NPAS2: variants seen among roughly 807,000 people sequenced by gnomAD.
The protein encoded by NPAS2 is neuronal PAS domain-containing protein 2.
NPAS2 carries 23 observed loss-of-function variants against 107.5 expected under a neutral mutation model. The ratio of observed to expected loss-of-function variants is 0.21; its 90% CI spans 0.15 to 0.30. The LOEUF is 0.30. Among genes scored for constraint, NPAS2 ranks in the 10% least tolerant of loss-of-function variants. The pLI is 1.00. For synonymous variants in NPAS2, 403 were observed against 417.5 expected (o/e 0.97, Z 0.42); for missense variants, 756 against 1,043.3 (o/e 0.72, Z 3.79).
chr2:100,992,957 TCTCA>T (rs371249781), intron 19 of NPAS2, among the ~76,000 whole-genome samples: 7 of 151,454 alleles, frequency 4.6e-5, no homozygotes, highest in African/African-American at 1.7e-4. Flanking sequence ...TGAGACGGAG[TCTCA>T]CTCTGTCGCC....
rs750870426 is a variant in NPAS2, at chr2:100,995,577, C to T, written c.2470C>T (p.Arg824Ter). ...GTCGTCAGGCCTCCAGCAGCCGCCC[C>T]GATAATGCCCCGGCACTGAAGTCGG... ...SESSGLQQPPR is the reference protein window; with the variant it reads ...SESSGLQQPP The change falls in exon 21 of 21, where the codon CGA (arginine) becomes TGA (stop). Residue 824 changes from arginine to a stop codon, truncating the protein, a stop_gained. Transcript: ENST00000335681. LOFTEE classifies it high-confidence loss of function. 9.4e-6 allele frequency: 15 copies of T among 1,604,122 alleles called. No homozygotes were observed. The highest frequency in any genetic ancestry group is 1.2e-5 in the Non-Finnish European group (14 of 1,174,934).
chr2:100,966,440 G>A (rs983581153), intron 10 of NPAS2, among the ~76,000 whole-genome samples: 5 of 152,034 alleles, frequency 3.3e-5, no homozygotes, highest in Admixed American at 2.0e-4. Flanking sequence ...CTTAGCAAGT[G>A]GTTTCAAGAA....
chr2:100,872,168 A>G (rs942031028), intron 1 of NPAS2, among the ~76,000 whole-genome samples: 3 of 152,160 alleles, frequency 2.0e-5, no homozygotes, highest in Non-Finnish European at 4.4e-5. Flanking sequence ...GTGTTCACCA[A>G]TATGCTTTCT....
chr2:100,954,690 G>GAAA (rs1675458809), intron 7 of NPAS2, among the ~76,000 whole-genome samples: 2 of 133,696 alleles, frequency 1.5e-5, no homozygotes, highest in African/African-American at 5.7e-5. Flanking sequence ...AGAAAAAAAA[G>GAAA]AAAAGAAAAA....
At chr2:100,914,127 C>T (rs1293935292) in intron 2 of NPAS2, among the ~76,000 whole-genome samples, 2 of 152,180 alleles carry the variant, frequency 1.3e-5, no homozygotes, top group East Asian at 1.9e-4. Flanking sequence ...AGAAGCGCCT[C>T]CAAGATTCCA....
intron 1 of NPAS2, among the ~76,000 whole-genome samples, chr2:100,838,761 T>C (rs1016380553): frequency 6.6e-6 from 1 of 152,096 alleles, no homozygotes; most frequent in Non-Finnish European, 1.5e-5. Flanking sequence ...TCGGAGGAGA[T>C]AATGAGGGTG....
intron 1 of NPAS2, among the ~76,000 whole-genome samples, chr2:100,874,456 A>AAT (rs1440714745): frequency 6.6e-6 from 1 of 152,028 alleles, no homozygotes; most frequent in Non-Finnish European, 1.5e-5. Flanking sequence ...AAAAGATAAA[A>AAT]ATGGGCTGGG....
In NPAS2 at chr2:100,989,955, G is replaced by A. The variant is rs530863258; in HGVS notation, c.1828-301G>A. ...GCCCTAGGGCAGGAGTAGGCCTGGT[G>A]AGTTGGAGAAACAGCCAGGAGGGCC... On this transcript the variant is annotated intron_variant, in intron 17 of 20. Transcript: ENST00000335681. The A allele has an allele frequency of 3.8e-5, 14 of 368,370 alleles. 1 individual carries two copies. Among genetic ancestry groups the A allele is most frequent in the Admixed American group, 2.9e-4 (7 of 24,274 alleles). 22.8% of individuals were successfully genotyped at this position (368,370 alleles called of 1,614,324 possible). A position where few individuals can be genotyped will look rare whatever the true frequency, so the allele number is the denominator to read the frequency against.
intron 1 of NPAS2, among the ~76,000 whole-genome samples, chr2:100,896,810 T>C (rs964095719): frequency 2.6e-5 from 4 of 152,182 alleles, no homozygotes; most frequent in African/African-American, 4.8e-5. Context: ...GGCTTTGTCC[T>C]TCCTTTCCTC....
At chr2:100,883,056 G>A (rs1680471691) in intron 1 of NPAS2, among the ~76,000 whole-genome samples, 1 of 152,146 alleles carries the variant, frequency 6.6e-6, no homozygotes, top group Admixed American at 6.5e-5. Context: ...GTCCCGTGCT[G>A]GAAACAGCTC....
intron 1 of NPAS2, among the ~76,000 whole-genome samples, chr2:100,843,860 A>G (rs1195042571): frequency 1.3e-5 from 2 of 152,186 alleles, no homozygotes; most frequent in East Asian, 1.9e-4. Context: ...TCAGTTGTTC[A>G]GATGGTTTGG....
chr2:100,887,459 C>T (rs948604625), intron 1 of NPAS2, among the ~76,000 whole-genome samples: 2 of 152,112 alleles, frequency 1.3e-5, no homozygotes, highest in African/African-American at 4.8e-5. Flanking sequence ...CAGTGGCTGA[C>T]GGAGAGGTGA....
In NPAS2 at chr2:100,930,055, A is replaced by G. The variant is rs1049890704; in HGVS notation, c.182-2855A>G. Among the ~76,000 whole-genome samples the G allele has an allele frequency of 2.0e-5, 3 of 152,242 alleles. No individual in the cohort carries two copies. The East Asian group carries it at 5.8e-4, about 29-fold the overall frequency. ...GCAAAATTTTGTAACAGTAGCTATT[A>G]TAAGAGAGAAATCCCTAAAGTCTGT... On this transcript the variant is annotated intron_variant, in intron 3 of 20. Transcript: ENST00000335681.
intron 3 of NPAS2, among the ~76,000 whole-genome samples, chr2:100,931,019 A>G (rs1334971369): frequency 3.9e-5 from 6 of 152,230 alleles, no homozygotes; most frequent in African/African-American, 1.4e-4. Flanking sequence ...AACTGTGGCA[A>G]CCATCTGTTT....
At chr2:100,956,779 A>T (rs1675594574) in intron 7 of NPAS2, among the ~76,000 whole-genome samples, 1 of 152,162 alleles carries the variant, frequency 6.6e-6, no homozygotes, top group African/African-American at 2.4e-5. Context: ...ACAGACGAGG[A>T]TCCCATCTTG....
At chr2:100,951,206 C>A (rs1427409471) in intron 7 of NPAS2, among the ~76,000 whole-genome samples, 1 of 152,152 alleles carries the variant, frequency 6.6e-6, no homozygotes, top group African/African-American at 2.4e-5. Context: ...AATGCAATGG[C>A]CTTCCTCCCA....
intron 1 of NPAS2, among the ~76,000 whole-genome samples, chr2:100,858,039 T>A (rs1678692094): frequency 6.6e-6 from 1 of 152,236 alleles, no homozygotes; most frequent in Admixed American, 6.5e-5. Flanking sequence ...GATGCAGCTC[T>A]TTATAAAACA....
At chr2:100,843,085 G>A (rs1677543039) in intron 1 of NPAS2, among the ~76,000 whole-genome samples, 1 of 152,050 alleles carries the variant, frequency 6.6e-6, no homozygotes, top group Admixed American at 6.6e-5. Flanking sequence ...TGGGTGTGGT[G>A]GTGCATGCCT....
intron 1 of NPAS2, among the ~76,000 whole-genome samples, chr2:100,857,809 C>T (rs1459709865): frequency 3.3e-5 from 5 of 152,040 alleles, no homozygotes; most frequent in African/African-American, 4.8e-5. Context: ...ACTCTTTGTC[C>T]CACTGAAACA....
Sources: gnomAD v4.1 joint callset for allele counts (sites outside exome capture counted in the v4.1 genomes callset) on GRCh38, gnomAD v4.1.1 for gene constraint, MANE v1.5 for transcripts, NCBI Gene and HGNC (gene_info 2026-07-23, HGNC 2026-07-21) for gene names.